DIAPH2: variants seen among roughly 807,000 people sequenced by gnomAD.
The protein encoded by DIAPH2 is protein diaphanous homolog 2.
DIAPH2 carries 35 observed loss-of-function variants against 92.7 expected under a neutral mutation model. The ratio of observed to expected loss-of-function variants is 0.38; its 90% CI spans 0.29 to 0.50. The LOEUF is 0.50. Among genes scored for constraint, DIAPH2 ranks in the 20% least tolerant of loss-of-function variants. The pLI, the probability that DIAPH2 is intolerant of heterozygous loss-of-function variation, is 0.94. For synonymous variants in DIAPH2, 301 were observed against 280.4 expected (o/e 1.07, Z -0.73); for missense variants, 701 against 819.5 (o/e 0.86, Z 1.77).
At chrX:96,756,666 T>G (rs913981175) in intron 3 of DIAPH2, among the ~76,000 whole-genome samples, 3 of 111,626 alleles carry the variant, frequency 2.7e-5, no homozygotes, top group African/African-American at 9.8e-5. Context: ...GGTAGATAAA[T>G]CTGTTTAACT....
At chrX:97,549,539 G>C (rs1361109507) in intron 26 of DIAPH2, among the ~76,000 whole-genome samples, 1 of 111,052 alleles carries the variant, frequency 9.0e-6, no homozygotes, top group Non-Finnish European at 1.9e-5. Flanking sequence ...CTTCACCCCT[G>C]AATACTTAAG....
rs1298266712 is a variant in DIAPH2 at position 96,968,002 on chromosome X, A to T, written c.2050+2795A>T. ...CTTTCTATAGTGGCTGAACTAATTT[A>T]CATTCTTACCAACAGTATATAAGTG... On this transcript the variant is annotated intron_variant, in intron 17 of 26. Coordinates refer to ENST00000324765, the MANE Select transcript of DIAPH2 (RefSeq NM_006729.5). Among the ~76,000 whole-genome samples, 4 of 110,577 alleles carry T rather than the reference A, an allele frequency of 3.6e-5. No individual in the cohort carries two copies. In the Admixed American group the frequency reaches 3.9e-4, roughly 11 times the overall value.
In DIAPH2 at chrX:97,599,398, G is replaced by A. The variant is rs573367312; in HGVS notation, c.*81G>A. 103 of 665,066 alleles carry A rather than the reference G, an allele frequency of 1.5e-4. 1 individual carries two copies. In the South Asian group the frequency reaches 1.8e-3, roughly 12 times the overall value. The allele number at this position is 665,066 out of a possible 1,213,427, so 54.8% of individuals were successfully genotyped here. The stretch of plus-strand genomic sequence containing the variant: ...GAGAAGAACAAAGTGTGCACTCAGC[G>A]GCTGGAAAGGAAATAAGTGCATTTC... On this transcript the variant is annotated 3_prime_UTR_variant, in exon 27 of 27. Transcript: ENST00000324765.
At chrX:96,917,750 T>A (rs892317163) in intron 8 of DIAPH2, among the ~76,000 whole-genome samples, 1 of 111,072 alleles carries the variant, frequency 9.0e-6, no homozygotes, top group Non-Finnish European at 1.9e-5. Context: ...TCTTCTTTAA[T>A]CACCTGGGCT....
At chrX:96,806,437 G>A (rs894200619) in intron 4 of DIAPH2, among the ~76,000 whole-genome samples, 63 of 108,435 alleles carry the variant, frequency 5.8e-4, no homozygotes, top group Non-Finnish European at 1.0e-3. Context: ...ACCTGAGGTC[G>A]GGAGTTTGAG....
At chrX:96,896,152 T>C (rs1256463357) in intron 5 of DIAPH2, among the ~76,000 whole-genome samples, 1 of 111,420 alleles carries the variant, frequency 9.0e-6, no homozygotes, top group Non-Finnish European at 1.9e-5. Flanking sequence ...TTTTTGGACA[T>C]CTCTGATGTT....
At chrX:96,904,607 C>T (rs934899880) in intron 5 of DIAPH2, among the ~76,000 whole-genome samples, 1 of 111,230 alleles carries the variant, frequency 9.0e-6, no homozygotes, top group East Asian at 2.8e-4. Flanking sequence ...TTTTAAGATG[C>T]GGAAAATACT....
chrX:97,109,084 A>G (rs942896348), intron 20 of DIAPH2, among the ~76,000 whole-genome samples: 1 of 111,561 alleles, frequency 9.0e-6, no homozygotes. Flanking sequence ...ATGATGAGGA[A>G]GTAACTTAGA....
chrX:97,264,033 C>T (rs925702443), intron 23 of DIAPH2, among the ~76,000 whole-genome samples: 1 of 108,498 alleles, frequency 9.2e-6, no homozygotes, highest in Non-Finnish European at 1.9e-5. Flanking sequence ...GTGATCATCC[C>T]ACCCCACCCT....
chrX:97,269,710 A>G (rs182795539), intron 23 of DIAPH2, among the ~76,000 whole-genome samples: 1 of 110,956 alleles, frequency 9.0e-6, no homozygotes, highest in Non-Finnish European at 1.9e-5. Context: ...ATGAATGAAC[A>G]AACTAAGGAA....
chrX:97,436,554 A>C (rs748375900), intron 26 of DIAPH2, among the ~76,000 whole-genome samples: 5 of 112,003 alleles, frequency 4.5e-5, no homozygotes, highest in Non-Finnish European at 7.5e-5. Context: ...TACAACAGAG[A>C]AAAAGAAACC....
chrX:97,455,603 T>A (rs142750749), intron 26 of DIAPH2, among the ~76,000 whole-genome samples: 1,421 of 112,267 alleles, frequency 0.013, 23 homozygotes, highest in African/African-American at 0.043. Context: ...ATTTAGAATA[T>A]CTCCCTGTTG....
At chrX:97,225,201 T>C (rs1225059502) in intron 22 of DIAPH2, among the ~76,000 whole-genome samples, 1 of 111,600 alleles carries the variant, frequency 9.0e-6, no homozygotes, top group Non-Finnish European at 1.9e-5. Context: ...TTAAATTTAC[T>C]CTCTAATTAG....
intron 22 of DIAPH2, among the ~76,000 whole-genome samples, chrX:97,182,770 G>A (rs1446662801): frequency 7.2e-5 from 8 of 111,452 alleles, no homozygotes; most frequent in Non-Finnish European, 1.5e-4. Context: ...CTGGCTTGGG[G>A]AGAAATTATT....
chrX:96,687,770 A>G (rs2063779060), intron 1 of DIAPH2, among the ~76,000 whole-genome samples: 1 of 111,896 alleles, frequency 8.9e-6, no homozygotes, highest in Admixed American at 9.5e-5. Flanking sequence ...TTTCTATTTA[A>G]GATTACTTAA....
At chrX:97,444,138 T>G (rs952932260) in intron 26 of DIAPH2, among the ~76,000 whole-genome samples, 1 of 111,727 alleles carries the variant, frequency 9.0e-6, no homozygotes, top group African/African-American at 3.3e-5. Context: ...TTGATCTGTT[T>G]GTTTGAGGGA....
At chrX:96,917,323 T>C (rs1348220717) in intron 8 of DIAPH2, among the ~76,000 whole-genome samples, 2 of 111,170 alleles carry the variant, frequency 1.8e-5, no homozygotes, top group East Asian at 2.8e-4. Flanking sequence ...TTTAAGGATG[T>C]TGGAATATGT....
At chrX:96,736,693 G>A (rs750196799) in intron 2 of DIAPH2, among the ~76,000 whole-genome samples, 28 of 112,076 alleles carry the variant, frequency 2.5e-4, no homozygotes, top group Non-Finnish European at 4.7e-4. Context: ...GTGAGCCACC[G>A]CACCCAGCCA....
rs770961670 is a variant in DIAPH2, at chrX:97,437,396, C to G, written c.3241+7651C>G. Among the ~76,000 whole-genome samples the G allele has an allele frequency of 1.6e-3, 181 of 111,468 alleles. 1 individual carries two copies. Among genetic ancestry groups the G allele is most frequent in the African/African-American group, 5.2e-3 (160 of 30,718 alleles). ...CCAAGTAATACTTATTAATCAAATACTAGGGGCCAGGCAGCAGTGCTAGGG... is the reference window on the plus strand; with the variant it reads ...CCAAGTAATACTTATTAATCAAATAGTAGGGGCCAGGCAGCAGTGCTAGGG... On this transcript the variant is annotated intron_variant, in intron 26 of 26. Transcript: ENST00000324765.
Sources: gnomAD v4.1 joint callset for allele counts (sites outside exome capture counted in the v4.1 genomes callset) on GRCh38, gnomAD v4.1.1 for gene constraint, MANE v1.5 for transcripts, NCBI Gene and HGNC (gene_info 2026-07-23, HGNC 2026-07-21) for gene names.